The following WWOX variants were observed in gnomAD, a reference collection of about 807,000 sequenced individuals.
WWOX encodes WW domain containing oxidoreductase, also known as WW domain-containing oxidoreductase.
WWOX carries 69 observed loss-of-function variants against 46.2 expected under a neutral mutation model. The observed-to-expected ratio is 1.49, with a 90% CI of 1.23 to 1.82. The LOEUF (loss-of-function observed/expected upper bound fraction) is 1.82, where lower values mean the gene tolerates loss of function less well. Among genes scored for constraint, WWOX ranks in the 40% most tolerant of loss-of-function variants. The probability of loss-of-function intolerance (pLI) is 0.00; values close to 1 mark genes in which losing one functional copy is unlikely to be tolerated. For missense variants in WWOX, 919 were observed against 542.6 expected (o/e 1.69, Z -6.89); for synonymous variants, 359 against 202.6 (o/e 1.77, Z -6.56).
intron 5 of WWOX, among the ~76,000 whole-genome samples, chr16:78,305,573 C>G (rs1255144574): frequency 6.6e-6 from 1 of 152,030 alleles, no homozygotes; most frequent in African/African-American, 2.4e-5. Context: ...CATTCCCGTT[C>G]CAGTCATCTT....
chr16:79,027,759 CT>C, intron 8 of WWOX, among the ~76,000 whole-genome samples: 1 of 151,614 alleles, frequency 6.6e-6, no homozygotes, highest in African/African-American at 2.4e-5. Context: ...ATTTAGATGT[CT>C]TTTTTTGATA....
chr16:78,937,321 A>T (rs1020580783), intron 8 of WWOX, among the ~76,000 whole-genome samples: 3 of 152,088 alleles, frequency 2.0e-5, no homozygotes, highest in Non-Finnish European at 4.4e-5. Flanking sequence ...TAATTATGCT[A>T]ATTTGATACA....
At chr16:78,698,918 T>G (rs146369656) in intron 8 of WWOX, among the ~76,000 whole-genome samples, 53 of 152,334 alleles carry the variant, frequency 3.5e-4, no homozygotes, top group African/African-American at 1.1e-3. Flanking sequence ...TTTCAACTTA[T>G]GGTCACCATT....
intron 8 of WWOX, among the ~76,000 whole-genome samples, chr16:78,745,699 C>T (rs2049332223): frequency 6.6e-6 from 1 of 151,258 alleles, no homozygotes; most frequent in Non-Finnish European, 1.5e-5. Flanking sequence ...CACCCCCTCA[C>T]TGCCACACCC....
intron 8 of WWOX, among the ~76,000 whole-genome samples, chr16:78,436,574 C>G (rs570738673): frequency 6.6e-6 from 1 of 152,262 alleles, no homozygotes; most frequent in East Asian, 1.9e-4. Context: ...TCAGCGTTCT[C>G]TATATTAGGT....
chr16:78,803,770 C>G (rs1019017782), intron 8 of WWOX, among the ~76,000 whole-genome samples: 3 of 152,060 alleles, frequency 2.0e-5, no homozygotes, highest in African/African-American at 7.2e-5. Flanking sequence ...AAATGGCATT[C>G]TTGGAAGTAA....
chr16:78,124,586 TC>T, intron 4 of WWOX, among the ~76,000 whole-genome samples: 1 of 152,344 alleles, frequency 6.6e-6, no homozygotes, highest in Admixed American at 6.5e-5. Context: ...GCTTTTAGTT[TC>T]TTGCCTAAAT....
intron 8 of WWOX, among the ~76,000 whole-genome samples, chr16:78,644,340 T>A (rs1356082504): frequency 1.3e-5 from 2 of 152,162 alleles, no homozygotes; most frequent in African/African-American, 4.8e-5. Context: ...CTACCCCATA[T>A]GTCACCTCCC....
chr16:78,127,758 A>G (rs760289497), intron 4 of WWOX, among the ~76,000 whole-genome samples: 1 of 152,106 alleles, frequency 6.6e-6, no homozygotes, highest in African/African-American at 2.4e-5. Flanking sequence ...TTGCTGTCCT[A>G]TTTTTTTGAT....
At chr16:78,669,920 C>T (rs1040749632) in intron 8 of WWOX, among the ~76,000 whole-genome samples, 7 of 152,138 alleles carry the variant, frequency 4.6e-5, no homozygotes, top group African/African-American at 1.2e-4. Flanking sequence ...TTTTCATAAG[C>T]ACAATCTTAT....
intron 8 of WWOX, among the ~76,000 whole-genome samples, chr16:79,132,759 T>C (rs1254589357): frequency 6.6e-6 from 1 of 152,258 alleles, no homozygotes; most frequent in Non-Finnish European, 1.5e-5. Context: ...TCTTTAATTC[T>C]AAATTCAGTT....
chr16:78,263,417 A>C (rs1275789737), intron 5 of WWOX, among the ~76,000 whole-genome samples: 1 of 152,162 alleles, frequency 6.6e-6, no homozygotes, highest in East Asian at 1.9e-4. Context: ...GGCTCCCCTG[A>C]AGTGCACAGA....
intron 5 of WWOX, among the ~76,000 whole-genome samples, chr16:78,359,249 T>C (rs1366036669): frequency 6.6e-6 from 1 of 152,186 alleles, no homozygotes; most frequent in Non-Finnish European, 1.5e-5. Context: ...AAGGCCTGGG[T>C]TTGCTTGGCA....
chr16:79,031,726 A>G (rs1006050696), intron 8 of WWOX, among the ~76,000 whole-genome samples: 1 of 146,976 alleles, frequency 6.8e-6, no homozygotes, highest in Non-Finnish European at 1.5e-5. Context: ...TGTTTTGCTT[A>G]ATAGGCTCTC....
chr16:78,963,877 T>A (rs1343728161), intron 8 of WWOX, among the ~76,000 whole-genome samples: 1 of 152,152 alleles, frequency 6.6e-6, no homozygotes, highest in African/African-American at 2.4e-5. Flanking sequence ...GAGAGGTAAT[T>A]GAATCATGGG....
rs968283978 is a variant in WWOX, at chr16:78,157,455, G to T, written c.410-6728G>T. On this transcript the variant is annotated intron_variant, in intron 4 of 8. Transcript: ENST00000566780. ...AATGAGTAAATTTGAGATTATTGTC[G>T]TCTTGCTTTAAAGGTTGGAGATACA... Among the ~76,000 whole-genome samples, 3 of 152,128 alleles carry T rather than the reference G, an allele frequency of 2.0e-5. No homozygotes were observed. In the South Asian group the frequency reaches 6.2e-4, roughly 32 times the overall value.
intron 8 of WWOX, among the ~76,000 whole-genome samples, chr16:78,616,753 G>A (rs1014533185): frequency 9.9e-5 from 15 of 152,056 alleles, no homozygotes; most frequent in African/African-American, 3.1e-4. Context: ...GAGACAGAGG[G>A]AGGAGACTCC....
At chr16:78,750,230 G>A (rs946281816) in intron 8 of WWOX, among the ~76,000 whole-genome samples, 3 of 152,194 alleles carry the variant, frequency 2.0e-5, no homozygotes, top group African/African-American at 7.2e-5. Flanking sequence ...GCCCAGGTCA[G>A]CTGGTGGGTG....
At chr16:79,165,650 C>T (rs939287571) in intron 8 of WWOX, among the ~76,000 whole-genome samples, 2 of 152,130 alleles carry the variant, frequency 1.3e-5, no homozygotes, top group African/African-American at 2.4e-5. Context: ...ATTCTGCCTA[C>T]AGCTGGTTTT....
Sources: allele counts gnomAD v4.1 joint callset (sites outside exome capture counted in the v4.1 genomes callset), GRCh38; gene constraint gnomAD v4.1.1; transcripts MANE v1.5; gene names NCBI Gene and HGNC (gene_info 2026-07-23, HGNC 2026-07-21).